RANBP3: variants seen among roughly 807,000 people sequenced by gnomAD.
RANBP3 encodes the protein RAN binding protein 3.
Under a neutral mutation model 77.3 loss-of-function variants are expected in RANBP3, and 14 were observed. The ratio of observed to expected loss-of-function variants is 0.18; its 90% CI spans 0.12 to 0.28. RANBP3 has a LOEUF of 0.28. Ranked by LOEUF, RANBP3 falls within the 10% of genes least tolerant of loss-of-function variation. The pLI is 1.00. For missense variants in RANBP3, 586 were observed against 752.3 expected, an observed-to-expected ratio of 0.78 and a Z score of 2.59; for synonymous variants, 315 against 312.4, an observed-to-expected ratio of 1.01 and a Z score of -0.09.
rs79299206 is a variant in RANBP3, at chr19:5,958,729, G to A, written c.23-756C>T. 1.2e-3 allele frequency among the ~76,000 whole-genome samples: 180 copies of A among 152,348 alleles called. No individual in the cohort carries two copies. Among genetic ancestry groups the A allele is most frequent in the Admixed American group, 4.2e-3 (65 of 15,310 alleles). On this transcript the variant is annotated intron_variant, in intron 1 of 16. Coordinates refer to ENST00000340578, the MANE Select transcript of RANBP3 (RefSeq NM_007322.3). This position sits in a 1 kb window ranked among gnomAD's most constrained non-coding sequence, Gnocchi z 4.4. ...AGGAAGCACAGATGAGGACTGCCTC[G>A]ACCCCACGAGGAGGCGCAGACCACA... is the stretch of plus-strand genomic sequence containing the variant.
At chr19:5,951,840 T>C (rs1313120156) in intron 2 of RANBP3, among the ~76,000 whole-genome samples, 1 of 152,108 alleles carries the variant, frequency 6.6e-6, no homozygotes, top group Non-Finnish European at 1.5e-5. Flanking sequence ...CTCTACAGTG[T>C]ATGAGAAGCA....
rs2057874299 is a variant in RANBP3 at position 5,924,470 on chromosome 19, A to C, written c.996+357T>G. ...AGCAGGGAGGCCAGCAACCCTGTCC[A>C]CCAGCACGGCTGGCTCCGTCCCACA... On this transcript the variant is annotated intron_variant, in intron 11 of 16. Coordinates refer to ENST00000340578, the MANE Select transcript of RANBP3 (RefSeq NM_007322.3). The surrounding 1 kb of genome is among the most constrained non-coding windows in gnomAD (Gnocchi z 4.7). 6.6e-6 allele frequency among the ~76,000 whole-genome samples: 1 copy of C among 152,214 alleles called. No individual in the cohort carries two copies. The highest frequency in any genetic ancestry group is 6.5e-5 in the Admixed American group (1 of 15,284).
intron 5 of RANBP3, among the ~76,000 whole-genome samples, chr19:5,938,944 G>A (rs770926859): frequency 7.2e-5 from 11 of 152,056 alleles, no homozygotes; most frequent in Non-Finnish European, 1.3e-4. Flanking sequence ...CAGTACTTTG[G>A]GAGGCCGAGA....
At chr19:5,929,666 A>T (rs2057962061) in intron 8 of RANBP3, among the ~76,000 whole-genome samples, 1 of 152,192 alleles carries the variant, frequency 6.6e-6, no homozygotes, top group Admixed American at 6.5e-5. Flanking sequence ...CCAACATCTA[A>T]GCCCTCCTTA....
chr19:5,975,231 C>A (rs908888042), intron 1 of RANBP3, among the ~76,000 whole-genome samples: 3 of 152,160 alleles, frequency 2.0e-5, no homozygotes, highest in African/African-American at 7.2e-5. Context: ...ACAAAGTCCA[C>A]CAAGATTTGA....
At chr19:5,932,804 G>A (rs189611339) in intron 6 of RANBP3, 24 of 484,668 alleles carry the variant, frequency 5.0e-5, no homozygotes, top group African/African-American at 2.0e-4. Context: ...GTGGCGGGGC[G>A]CCGGCAGACT....
chr19:5,917,552 TG>T lies in RANBP3; in HGVS notation c.*57del. The T allele has an allele frequency of 7.6e-7, 1 of 1,318,716 alleles. No homozygotes were observed. 81.7% of individuals were successfully genotyped at this position (1,318,716 alleles called of 1,614,324 possible). On this transcript the variant is annotated 3_prime_UTR_variant, in exon 17 of 17. Coordinates refer to ENST00000340578, the MANE Select transcript of RANBP3 (RefSeq NM_007322.3). ...ACGCTGCCGGTGGGGTGGGGGCGGG[TG>T]GGCGGGTGGATAGACGGACAAAGCA...
intron 3 of RANBP3, among the ~76,000 whole-genome samples, chr19:5,945,353 G>A (rs1048001213): frequency 1.3e-5 from 2 of 152,176 alleles, no homozygotes; most frequent in African/African-American, 4.8e-5. Flanking sequence ...ATTTCCACAT[G>A]TGTCAATTTC....
chr19:5,924,979 G>C lies in RANBP3; in HGVS notation c.918-74C>G. The stretch of plus-strand genomic sequence containing the variant: ...CCAGGCAAATGTATGGGTACCCATG[G>C]AGCACACACTGACACAGAGGGCACA... On this transcript the variant is annotated intron_variant, in intron 10 of 16. Transcript: ENST00000340578. This position sits in a 1 kb window ranked among gnomAD's most constrained non-coding sequence, Gnocchi z 4.7. 7.4e-7 allele frequency: 1 copy of C among 1,349,828 alleles called. No homozygotes were observed. The highest frequency in any genetic ancestry group is 1.1e-6 in the Non-Finnish European group (1 of 940,142). 83.6% of individuals were successfully genotyped at this position (1,349,828 alleles called of 1,614,324 possible).
At position 5,958,687 on chromosome 19, in the gene RANBP3, G is replaced by T. The variant is rs776471713; in HGVS notation, c.23-714C>A. On this transcript the variant is annotated intron_variant, in intron 1 of 16. Coordinates refer to ENST00000340578, the MANE Select transcript of RANBP3 (RefSeq NM_007322.3). This position sits in a 1 kb window ranked among gnomAD's most constrained non-coding sequence, Gnocchi z 4.4. Reference sequence around the variant, plus strand: ...CCCCGGAGTGGGTGGCAGCCCAGGAGGCCCTGCTGCCCGCACAGGAAGCAC... The same window carrying T: ...CCCCGGAGTGGGTGGCAGCCCAGGATGCCCTGCTGCCCGCACAGGAAGCAC... 1.3e-5 allele frequency among the ~76,000 whole-genome samples: 2 copies of T among 152,240 alleles called. No homozygotes were observed. Among genetic ancestry groups the T allele is most frequent in the African/African-American group, 2.4e-5 (1 of 41,468 alleles).
At chr19:5,928,486 C>CT (rs1256639250) in intron 8 of RANBP3, 1 of 161,216 alleles carries the variant, frequency 6.2e-6, no homozygotes, top group Non-Finnish European at 1.4e-5. Flanking sequence ...AGGTAGGCCT[C>CT]TGACATGCCC....
intron 1 of RANBP3, among the ~76,000 whole-genome samples, chr19:5,965,268 T>G (rs1374037162): frequency 2.0e-5 from 3 of 152,068 alleles, no homozygotes; most frequent in Non-Finnish European, 2.9e-5. Flanking sequence ...CTCTGTAATT[T>G]GGTGGACAGC....
Position 5,941,667 on chromosome 19 carries a change from C to T in RANBP3, c.360G>A (p.Lys120=). The T allele has an allele frequency of 6.2e-7, 1 of 1,613,880 alleles. No homozygotes were observed. The highest frequency in any genetic ancestry group is 1.3e-5 in the African/African-American group (1 of 75,042). ...GGGTTAAAGAGGATGTTCTTTCTCGCTTGACAGGAGGGCAGTAATTTCCAT... is the reference window on the plus strand; with the variant it reads ...GGGTTAAAGAGGATGTTCTTTCTCGTTTGACAGGAGGGCAGTAATTTCCAT... The part of the protein sequence containing the change: ...REDGNYCPPV[K]RERTSSLTQF... Residue 120 remains lysine (K), a synonymous_variant, in exon 5 of 17, where the codon AAG becomes AAA. Coordinates refer to ENST00000340578, the MANE Select transcript of RANBP3 (RefSeq NM_007322.3).
At chr19:5,943,621 C>T (rs1161101699) in intron 3 of RANBP3, among the ~76,000 whole-genome samples, 1 of 152,210 alleles carries the variant, frequency 6.6e-6, no homozygotes, top group Non-Finnish European at 1.5e-5. Flanking sequence ...CCTGGACTTT[C>T]TCCTCCCGTG....
intron 3 of RANBP3, among the ~76,000 whole-genome samples, chr19:5,946,932 G>A (rs374178801): frequency 6.6e-6 from 1 of 152,324 alleles, no homozygotes; most frequent in African/African-American, 2.4e-5. Context: ...AAGGCAGTGG[G>A]TCCTCAGGGG....
rs774688615 is a variant in RANBP3 at position 5,957,959 on chromosome 19, C to T, written c.37G>A (p.Ala13Thr). 1.4e-5 allele frequency: 23 copies of T among 1,614,194 alleles called. No individual in the cohort carries two copies. Among genetic ancestry groups the T allele is most frequent in the Non-Finnish European group, 1.9e-5 (22 of 1,180,028 alleles). The part of the protein sequence containing the change: ...DLANEEKPAI[A>T]PPVFVFQKDK... ...TTCTGAAACACAAAGACGGGCGGAG[C>T]AATGGCAGGCTTTTCTGCAAAAAGA... The change falls in exon 2 of 17, where the codon GCT (alanine) becomes ACT (threonine). Residue 13 changes from alanine to threonine, a missense_variant. Ala to Thr is a moderately conservative substitution (Grantham distance 58). Around this residue, in one of 5 missense-constraint regions of RANBP3, gnomAD observed 172 missense variants for 183.4 expected, o/e 0.94. Transcript: ENST00000340578.
At chr19:5,946,515 A>G (rs1246936677) in intron 3 of RANBP3, among the ~76,000 whole-genome samples, 1 of 152,174 alleles carries the variant, frequency 6.6e-6, no homozygotes, top group Non-Finnish European at 1.5e-5. Context: ...GAAGAACAAC[A>G]CAGGAAGATT....
chr19:5,976,030 G>A (rs1440139092), intron 1 of RANBP3, among the ~76,000 whole-genome samples: 11 of 152,146 alleles, frequency 7.2e-5, no homozygotes, highest in Admixed American at 7.2e-4. Context: ...AGCATTGACG[G>A]TGTTGGTGGG....
At chr19:5,927,947 C>G in intron 9 of RANBP3, 21 bp downstream of exon 9, 1 of 1,588,152 alleles carries the variant, frequency 6.3e-7, no homozygotes, top group Non-Finnish European at 8.6e-7. Flanking sequence ...AGTCAATGTG[C>G]TGGTTCAACA....
Sources: allele counts gnomAD v4.1 joint callset (sites outside exome capture counted in the v4.1 genomes callset), GRCh38; gene constraint gnomAD v4.1.1; regional missense constraint gnomAD v4.1.1; non-coding constraint Gnocchi (gnomAD v3.1); transcripts MANE v1.5; gene names NCBI Gene and HGNC (gene_info 2026-07-23, HGNC 2026-07-21).